Variants in OLFM3 observed in about 807,000 individuals in gnomAD.
The protein encoded by OLFM3 is noelin-3.
A neutral mutation model predicts 48.6 loss-of-function variants in OLFM3; 20 were observed. The ratio of observed to expected loss-of-function variants is 0.41; its 90% CI spans 0.29 to 0.60. The LOEUF is 0.60. OLFM3 is among the 20% of genes least tolerant of loss of function. OLFM3 has a pLI of 0.28. For synonymous variants in OLFM3, 222 were observed against 198.1 expected (o/e 1.12, Z -1.01); for missense variants, 437 against 544.3 (o/e 0.80, Z 1.96).
chr1:101,866,940 C>T (rs559028840), intron 1 of OLFM3, among the ~76,000 whole-genome samples: 20 of 152,110 alleles, frequency 1.3e-4, no homozygotes, highest in Non-Finnish European at 2.8e-4. Flanking sequence ...AGGATACAGC[C>T]ATTATTTAAA....
intron 1 of OLFM3, among the ~76,000 whole-genome samples, chr1:101,848,004 C>G (rs1656079757): frequency 6.6e-6 from 1 of 152,094 alleles, no homozygotes; most frequent in South Asian, 2.1e-4. Flanking sequence ...CCTTCCAGCT[C>G]TCAAATTCAA....
chr1:101,835,538 C>T (rs1403839246), intron 2 of OLFM3, among the ~76,000 whole-genome samples: 10 of 152,210 alleles, frequency 6.6e-5, no homozygotes, highest in Admixed American at 6.5e-4. Flanking sequence ...GTGTTGCCAA[C>T]TCCTGATCTC....
intron 1 of OLFM3, among the ~76,000 whole-genome samples, chr1:101,959,959 A>G (rs1660418460): frequency 6.6e-6 from 1 of 152,190 alleles, no homozygotes. Flanking sequence ...TCATCATATA[A>G]CACGAATAAT....
intron 1 of OLFM3, among the ~76,000 whole-genome samples, chr1:101,838,951 G>A (rs1211359712): frequency 2.0e-5 from 3 of 152,124 alleles, no homozygotes; most frequent in African/African-American, 7.2e-5. Flanking sequence ...CCACCACAAA[G>A]GTCTTTTTCT....
intron 1 of OLFM3, among the ~76,000 whole-genome samples, chr1:101,948,620 C>A (rs1031073314): frequency 1.3e-5 from 2 of 151,872 alleles, no homozygotes; most frequent in Non-Finnish European, 2.9e-5. Flanking sequence ...CTTTTGTTTT[C>A]TAAATTTTTG....
At chr1:101,925,535 T>G (rs1659245342) in intron 1 of OLFM3, among the ~76,000 whole-genome samples, 1 of 151,976 alleles carries the variant, frequency 6.6e-6, no homozygotes, top group Admixed American at 6.6e-5. Context: ...AATTTATTCT[T>G]ACAGACAGGA....
chr1:101,804,819 G>A lies in OLFM3; in HGVS notation c.796C>T (p.Leu266Phe). The change falls in exon 6 of 6, where the codon CTT becomes TTT. Residue 266 changes from leucine to phenylalanine, a missense_variant. Physicochemically the swap from Leu to Phe is conservative, Grantham distance 22. This residue lies in a region of OLFM3 where 314 missense variants were observed against 365.5 expected (regional missense o/e 0.86). Transcript: ENST00000370103. The surrounding 1 kb of genome is among the most constrained non-coding windows in gnomAD (Gnocchi z 4.5). Reference sequence around the variant, plus strand: ...TTAGTTCCTGCCCACTTGAAAGGAAGGTTGTATGTCCTTGATTCAGCCCCA... The same window carrying A: ...TTAGTTCCTGCCCACTTGAAAGGAAAGTTGTATGTCCTTGATTCAGCCCCA... The part of the protein sequence containing the change: ...VSGAESRTYN[L>F]PFKWAGTNHV... 6.2e-7 allele frequency: 1 copy of A among 1,612,502 alleles called. No individual in the cohort carries two copies. The highest frequency in any genetic ancestry group is 1.1e-5 in the South Asian group (1 of 91,064).
intron 1 of OLFM3, among the ~76,000 whole-genome samples, chr1:101,913,360 G>A (rs1658819925): frequency 6.6e-6 from 1 of 152,160 alleles, no homozygotes; most frequent in African/African-American, 2.4e-5. Context: ...GGCTAAGAAT[G>A]TTATAAGAAA....
rs538124255 is a variant in OLFM3 at position 101,863,664 on chromosome 1, T to C, written c.70-26639A>G. Among the ~76,000 whole-genome samples, 11 of 152,266 alleles carry C rather than the reference T, an allele frequency of 7.2e-5. No homozygotes were observed. In the East Asian group the frequency reaches 1.4e-3, roughly 19 times the overall value. The stretch of plus-strand genomic sequence containing the variant: ...TATCAATATATTTTCCCTTATAGAA[T>C]TAGGAAAATTATCACAATTTAAATA... On this transcript the variant is annotated intron_variant, in intron 1 of 5. Coordinates refer to ENST00000370103, the MANE Select transcript of OLFM3 (RefSeq NM_058170.4).
At chr1:101,961,878 CAG>C (rs1355952461) in intron 1 of OLFM3, among the ~76,000 whole-genome samples, 1 of 152,114 alleles carries the variant, frequency 6.6e-6, no homozygotes, top group South Asian at 2.1e-4. Context: ...TTGAAGGGTA[CAG>C]AGAGTTCTGA....
chr1:101,811,165 CATAAT>C lies in OLFM3; in HGVS notation c.593-4988_593-4984del, dbSNP rs371733335. Among the ~76,000 whole-genome samples the C allele has an allele frequency of 4.2e-3, 644 of 152,040 alleles. 3 individuals carry two copies. The highest frequency in any genetic ancestry group is 0.02 in the Middle Eastern group (6 of 294). ...TACAATGTCTCGAATATGAAACAAACATAATGTAATGTGCATTCCCACAAAACTTT... is the reference window on the plus strand; with the variant it reads ...TACAATGTCTCGAATATGAAACAAACGTAATGTGCATTCCCACAAAACTTT... On this transcript the variant is annotated intron_variant, in intron 4 of 5. Transcript: ENST00000370103.
intron 1 of OLFM3, among the ~76,000 whole-genome samples, chr1:101,889,616 C>T (rs183263742): frequency 9.6e-4 from 146 of 151,912 alleles, no homozygotes; most frequent in African/African-American, 3.4e-3. Context: ...CAAACCTACA[C>T]GTTGTGCACA....
At chr1:101,910,123 T>A (rs1300142585) in intron 1 of OLFM3, 6 of 985,400 alleles carry the variant, frequency 6.1e-6, no homozygotes, top group Non-Finnish European at 7.2e-6. Flanking sequence ...TACAGTTAAA[T>A]AATCCTCTTC....
chr1:101,856,036 A>G (rs979994635), intron 1 of OLFM3, among the ~76,000 whole-genome samples: 2 of 152,034 alleles, frequency 1.3e-5, no homozygotes, highest in African/African-American at 2.4e-5. Flanking sequence ...GTATGAAAGA[A>G]GATTACATCT....
At chr1:101,978,989 C>T (rs1169849861) in intron 1 of OLFM3, among the ~76,000 whole-genome samples, 2 of 152,140 alleles carry the variant, frequency 1.3e-5, no homozygotes, top group Non-Finnish European at 2.9e-5. Context: ...TAACAAATAA[C>T]AAGTTTATTT....
At chr1:101,895,262 T>A (rs1658153324) in intron 1 of OLFM3, among the ~76,000 whole-genome samples, 1 of 152,120 alleles carries the variant, frequency 6.6e-6, no homozygotes, top group African/African-American at 2.4e-5. Context: ...TTGTCTTTTT[T>A]CTGTTCCACT....
chr1:101,826,990 C>A (rs950329532), intron 3 of OLFM3, among the ~76,000 whole-genome samples: 12 of 152,156 alleles, frequency 7.9e-5, no homozygotes, highest in Admixed American at 4.6e-4. Context: ...TTCAACAATT[C>A]ATAATTTGAT....
At chr1:101,820,987 T>C (rs557631894) in intron 4 of OLFM3, among the ~76,000 whole-genome samples, 17 of 152,198 alleles carry the variant, frequency 1.1e-4, no homozygotes, top group South Asian at 8.3e-4. Flanking sequence ...AATTATCCAA[T>C]GTCCCACTCT....
intron 1 of OLFM3, among the ~76,000 whole-genome samples, chr1:101,843,918 G>C (rs1655855818): frequency 6.6e-6 from 1 of 151,530 alleles, no homozygotes; most frequent in Non-Finnish European, 1.5e-5. Flanking sequence ...TTCAAGACCT[G>C]CGTGTGCGTG....
Sources: allele counts gnomAD v4.1 joint callset (sites outside exome capture counted in the v4.1 genomes callset), GRCh38; gene constraint gnomAD v4.1.1; regional missense constraint gnomAD v4.1.1; non-coding constraint Gnocchi (gnomAD v3.1); transcripts MANE v1.5; gene names NCBI Gene and HGNC (gene_info 2026-07-23, HGNC 2026-07-21).